Variants in INPP5F observed in about 807,000 individuals in gnomAD.
INPP5F encodes inositol polyphosphate-5-phosphatase F.
Under a neutral mutation model 137.2 loss-of-function variants are expected in INPP5F, and 97 were observed. That is an observed-to-expected ratio of 0.71 (90% CI 0.60 to 0.84). The LOEUF is 0.84. INPP5F is among the 40% of genes least tolerant of loss of function. INPP5F has a pLI of 0.00. For missense variants in INPP5F, 1,271 were observed against 1,371.9 expected, an observed-to-expected ratio of 0.93 and a Z score of 1.16; for synonymous variants, 504 against 476.9, an observed-to-expected ratio of 1.06 and a Z score of -0.74.
chr10:119,791,689 G>T lies in INPP5F; in HGVS notation c.444+44G>T, dbSNP rs747161368. ...TAGGCTTTGAATTCACCTTTGATTA[G>T]TTTTAAATAGAGAGATAATTCTCCA... On this transcript the variant is annotated intron_variant, in intron 4 of 19. Coordinates refer to ENST00000650623, the MANE Select transcript of INPP5F (RefSeq NM_014937.4). 2.6e-6 allele frequency: 4 copies of T among 1,511,502 alleles called. No individual in the cohort carries two copies. The East Asian group carries it at 9.0e-5, about 34-fold the overall frequency. The allele number at this position is 1,511,502 out of a possible 1,614,324, so 93.6% of individuals were successfully genotyped here.
intron 7 of INPP5F, 70 bp from the exon 8 acceptor site, chr10:119,797,391 G>A: frequency 8.3e-7 from 1 of 1,201,688 alleles, no homozygotes; most frequent in Non-Finnish European, 1.2e-6. Context: ...ATTTGATTAG[G>A]AAGCATAATC....
Position 119,792,212 on chromosome 10 carries a change from G to T in INPP5F, c.668G>T (p.Gly223Val), listed in dbSNP as rs763572298. The change falls in exon 6 of 20, where the codon GGT (glycine) becomes GTT (valine). Residue 223 changes from glycine to valine, a missense_variant and splice_region_variant. By Grantham distance (109) the Gly-to-Val change is moderately radical (BLOSUM62 -3). Around this residue, in one of 6 missense-constraint regions of INPP5F, gnomAD observed 593 missense variants for 712.4 expected, o/e 0.83. Coordinates refer to ENST00000650623, the MANE Select transcript of INPP5F (RefSeq NM_014937.4). ...ATGATACAAGATCTTACTGAGATTGGTGTGAGTAGTTGTTTCTAAAATTTC... is the reference window on the plus strand; with the variant it reads ...ATGATACAAGATCTTACTGAGATTGTTGTGAGTAGTTGTTTCTAAAATTTC... ...KYMIQDLTEI[G>V]TPDVDFWIIP... is the part of the protein sequence containing the mutation. 6.2e-7 allele frequency: 1 copy of T among 1,606,986 alleles called. No homozygotes were observed. The highest frequency in any genetic ancestry group is 1.3e-5 in the African/African-American group (1 of 74,768).
chr10:119,810,039 A>T, intron 13 of INPP5F, 61 bp from the exon 14 acceptor site: 1 of 939,572 alleles, frequency 1.1e-6, no homozygotes, highest in Non-Finnish European at 1.7e-6. Flanking sequence ...AAAGCCCACA[A>T]TTTATTTTGG....
chr10:119,817,603 AT>A (rs796441878), intron 15 of INPP5F, among the ~76,000 whole-genome samples: 12 of 149,636 alleles, frequency 8.0e-5, no homozygotes, highest in East Asian at 1.9e-4. Context: ...GATGTTAAGG[AT>A]TTTTTTTTTG....
intron 15 of INPP5F, chr10:119,819,345 T>G: frequency 1.6e-6 from 2 of 1,247,470 alleles, no homozygotes; most frequent in Admixed American, 4.0e-5. Flanking sequence ...GACTGCCTGT[T>G]ACGTGCCAAG....
At chr10:119,824,530 C>T (rs527484826) in intron 19 of INPP5F, among the ~76,000 whole-genome samples, 3 of 152,196 alleles carry the variant, frequency 2.0e-5, no homozygotes, top group South Asian at 2.1e-4. Flanking sequence ...GGAGGGAGGG[C>T]GTGATGGCCT....
chr10:119,796,698 G>C lies in INPP5F; in HGVS notation c.670-17G>C. The C allele has an allele frequency of 6.3e-7, 1 of 1,595,810 alleles. No individual in the cohort carries two copies. The highest frequency in any genetic ancestry group is 8.6e-7 in the Non-Finnish European group (1 of 1,163,184). On this transcript the variant is annotated splice_polypyrimidine_tract_variant and intron_variant, in intron 6 of 19. Transcript: ENST00000650623. ...CTGTACAGAATAGAAACGATATCAT[G>C]TTCATTTTGTTTTCAGACTCCAGAT...
intron 2 of INPP5F, among the ~76,000 whole-genome samples, chr10:119,774,948 C>G (rs572189948): frequency 6.6e-6 from 1 of 151,742 alleles, no homozygotes. Flanking sequence ...AGTAAAGGCT[C>G]GATGTTAGTT....
chr10:119,791,821 C>A, intron 4 of INPP5F, 48 bp from the exon 5 acceptor site: 1 of 1,475,954 alleles, frequency 6.8e-7, no homozygotes, highest in Non-Finnish European at 9.2e-7. Context: ...TATCCCCAGA[C>A]TACTTTACAT....
Position 119,829,011 on chromosome 10 carries a change from G to A in INPP5F, c.*1231G>A, listed in dbSNP as rs550616405. 2 of 152,622 alleles carry A rather than the reference G, an allele frequency of 1.3e-5. No homozygotes were observed. Among genetic ancestry groups the A allele is most frequent in the Non-Finnish European group, 2.9e-5 (2 of 68,030 alleles). 9.5% of individuals were successfully genotyped at this position (152,622 alleles called of 1,614,324 possible). ...GTCTTTAGAGCTTTACTCTGTTGAA[G>A]TGACTGATTCTCAACTGAACATTAT... is the stretch of plus-strand genomic sequence containing the variant. On this transcript the variant is annotated 3_prime_UTR_variant, in exon 20 of 20. Coordinates refer to ENST00000650623, the MANE Select transcript of INPP5F (RefSeq NM_014937.4).
intron 3 of INPP5F, among the ~76,000 whole-genome samples, chr10:119,782,356 T>C (rs899872919): frequency 6.6e-6 from 1 of 152,242 alleles, no homozygotes; most frequent in Non-Finnish European, 1.5e-5. Flanking sequence ...TGCTGCCTCC[T>C]AGTAGAAGTA....
intron 3 of INPP5F, among the ~76,000 whole-genome samples, chr10:119,788,180 A>G (rs947140913): frequency 5.3e-5 from 8 of 152,130 alleles, no homozygotes; most frequent in African/African-American, 1.9e-4. Context: ...ATATTTGGGG[A>G]GCAGGTGTTG....
At chr10:119,770,290 C>G (rs961448074) in intron 2 of INPP5F, among the ~76,000 whole-genome samples, 3 of 151,930 alleles carry the variant, frequency 2.0e-5, no homozygotes, top group East Asian at 3.9e-4. Flanking sequence ...TTTTTTTATT[C>G]CTTGTTATAC....
intron 2 of INPP5F, among the ~76,000 whole-genome samples, chr10:119,762,418 C>A (rs538639837): frequency 1.3e-5 from 2 of 152,044 alleles, no homozygotes; most frequent in Admixed American, 6.6e-5. Context: ...GCACTAATCC[C>A]ATTTGTGATG....
chr10:119,806,792 A>G (rs7085223), intron 12 of INPP5F, among the ~76,000 whole-genome samples: 65,682 of 151,410 alleles, frequency 0.43, 14,627 homozygotes, highest in South Asian at 0.68. Context: ...TTGGGGCTGG[A>G]AGTCTTGATA....
chr10:119,786,955 T>C (rs1849941582), intron 3 of INPP5F, among the ~76,000 whole-genome samples: 1 of 152,190 alleles, frequency 6.6e-6, no homozygotes, highest in South Asian at 2.1e-4. Context: ...GGGGCCATAT[T>C]TGTTTTAGAA....
At chr10:119,792,762 G>A (rs1850193562) in intron 6 of INPP5F, among the ~76,000 whole-genome samples, 1 of 151,978 alleles carries the variant, frequency 6.6e-6, no homozygotes, top group South Asian at 2.1e-4. Context: ...CATGTATGTT[G>A]GAAAATTGAC....
intron 3 of INPP5F, among the ~76,000 whole-genome samples, chr10:119,785,531 C>T (rs937852971): frequency 2.0e-4 from 9 of 44,618 alleles, no homozygotes; most frequent in South Asian, 7.4e-4. Context: ...CCTTGTGATC[C>T]GCTCGAGAGA....
At chr10:119,746,118 T>A (rs1848524877) in intron 1 of INPP5F, among the ~76,000 whole-genome samples, 1 of 152,322 alleles carries the variant, frequency 6.6e-6, no homozygotes, top group African/African-American at 2.4e-5. Context: ...ACTGTTTGCT[T>A]CATTATTTTT....
Sources: allele counts gnomAD v4.1 joint callset (sites outside exome capture counted in the v4.1 genomes callset), GRCh38; gene constraint gnomAD v4.1.1; regional missense constraint gnomAD v4.1.1; transcripts MANE v1.5; gene names NCBI Gene and HGNC (gene_info 2026-07-23, HGNC 2026-07-21).